The following INSR variants were observed in gnomAD, a reference collection of about 807,000 sequenced individuals.
The protein encoded by INSR is insulin receptor, also known as IR.
Under a neutral mutation model 142.6 loss-of-function variants are expected in INSR, and 67 were observed. The ratio of observed to expected loss-of-function variants is 0.47; its 90% CI spans 0.39 to 0.58. The LOEUF is 0.58. INSR is among the 20% of genes least tolerant of loss of function. The probability of loss-of-function intolerance (pLI) is 0.00; values close to 1 mark genes in which losing one functional copy is unlikely to be tolerated. For missense variants in INSR, 1,248 were observed against 1,833.2 expected, an observed-to-expected ratio of 0.68 and a Z score of 5.83; for synonymous variants, 756 against 743.1, an observed-to-expected ratio of 1.02 and a Z score of -0.28.
intron 3 of INSR, among the ~76,000 whole-genome samples, chr19:7,179,849 C>G (rs1974228942): frequency 6.6e-6 from 1 of 152,202 alleles, no homozygotes; most frequent in African/African-American, 2.4e-5. Context: ...TGCAGCCTCT[C>G]CCACCAAGAA....
chr19:7,126,354 G>T (rs1972645617), intron 16 of INSR, among the ~76,000 whole-genome samples: 1 of 152,220 alleles, frequency 6.6e-6, no homozygotes, highest in African/African-American at 2.4e-5. Context: ...CCTGCCCAAG[G>T]GTCCCAGACC....
chr19:7,207,671 C>A (rs1203444062), intron 2 of INSR, among the ~76,000 whole-genome samples: 1 of 151,906 alleles, frequency 6.6e-6, no homozygotes, highest in Non-Finnish European at 1.5e-5. Flanking sequence ...ACCTGTAATC[C>A]CAGCACTTTG....
At chr19:7,285,363 T>C (rs1441477106) in intron 1 of INSR, among the ~76,000 whole-genome samples, 1 of 151,362 alleles carries the variant, frequency 6.6e-6, no homozygotes, top group African/African-American at 2.4e-5. Flanking sequence ...GGCAGGAGAG[T>C]TGCTTGAGCC....
At chr19:7,140,746 A>G (rs566690432) in intron 13 of INSR, among the ~76,000 whole-genome samples, 2,608 of 151,808 alleles carry the variant, frequency 0.017, 45 homozygotes, top group African/African-American at 0.041. Flanking sequence ...ATATTCTACG[A>G]AAAAAATAAA....
At chr19:7,208,507 C>A (rs554810091) in intron 2 of INSR, among the ~76,000 whole-genome samples, 1 of 152,160 alleles carries the variant, frequency 6.6e-6, no homozygotes, top group African/African-American at 2.4e-5. Flanking sequence ...ACCACACACA[C>A]GTGCACAGGC....
In INSR at chr19:7,112,766, C is replaced by T. The variant is rs1436836508; in HGVS notation, c.*4290G>A. The stretch of plus-strand genomic sequence containing the variant: ...TAAGCTCAAAAAGCCATTGTGTCCC[C>T]TCCCCTCACTCCCATTTCTCGGGGA... On this transcript the variant is annotated 3_prime_UTR_variant, in exon 22 of 22. Coordinates refer to ENST00000302850, the MANE Select transcript of INSR (RefSeq NM_000208.4). The T allele has an allele frequency of 6.6e-6, 1 of 151,954 alleles. No homozygotes were observed. The highest frequency in any genetic ancestry group is 1.5e-5 in the Non-Finnish European group (1 of 67,970). The allele number at this position is 151,954 out of a possible 1,614,324, so 9.4% of individuals were successfully genotyped here.
In INSR at chr19:7,122,744, A is replaced by G. The variant is rs1231187833; in HGVS notation, c.3399T>C (p.Leu1133=). ...ENNPGRPPPT[L]QEMIQMAAEI... ...CTGCCGCCATCTGAATCATCTCTTG[A>G]AGGGTAGGGGGAGGGCGGCCAGGAT... is the stretch of plus-strand genomic sequence containing the variant. Residue 1133 remains leucine, a synonymous_variant, in exon 19 of 22, where the codon CTT becomes CTC. Transcript: ENST00000302850. 2 of 1,613,948 alleles carry G rather than the reference A, an allele frequency of 1.2e-6. No homozygotes were observed. The highest frequency in any genetic ancestry group is 1.7e-5 in the Admixed American group (1 of 59,998).
intron 2 of INSR, among the ~76,000 whole-genome samples, chr19:7,195,577 G>A (rs746447694): frequency 6.6e-6 from 1 of 152,020 alleles, no homozygotes; most frequent in Non-Finnish European, 1.5e-5. Flanking sequence ...AGGAGACAGA[G>A]GTTGCAGTCA....
At chr19:7,118,174 G>C (rs1188232212) in intron 21 of INSR, among the ~76,000 whole-genome samples, 5 of 151,720 alleles carry the variant, frequency 3.3e-5, no homozygotes, top group Non-Finnish European at 7.4e-5. Context: ...AGGAGTTCAA[G>C]GTTGCAGTGA....
intron 2 of INSR, among the ~76,000 whole-genome samples, chr19:7,257,545 A>G (rs1189825735): frequency 1.3e-5 from 2 of 149,786 alleles, no homozygotes; most frequent in South Asian, 2.1e-4. Context: ...AAAAAAAAAA[A>G]TGCTAATCAT....
Position 7,150,012 on chromosome 19 carries a change from A to C in INSR, c.2267+485T>G, listed in dbSNP as rs1380748343. Among the ~76,000 whole-genome samples the C allele has an allele frequency of 6.6e-6, 1 of 151,552 alleles. No homozygotes were observed. Among genetic ancestry groups the C allele is most frequent in the Non-Finnish European group, 1.5e-5 (1 of 67,958 alleles). On this transcript the variant is annotated intron_variant, in intron 11 of 21. Transcript: ENST00000302850. The surrounding 1 kb of genome is among the most constrained non-coding windows in gnomAD (Gnocchi z 4.2). Reference sequence around the variant, plus strand: ...AGAGATCCCTGACTCTCCTCCGTGGAATTCAGTGAGCGACACGGTGTTCTT... The same window carrying C: ...AGAGATCCCTGACTCTCCTCCGTGGCATTCAGTGAGCGACACGGTGTTCTT...
At chr19:7,221,189 C>T (rs1273600092) in intron 2 of INSR, among the ~76,000 whole-genome samples, 2 of 151,370 alleles carry the variant, frequency 1.3e-5, no homozygotes, top group Admixed American at 6.6e-5. Context: ...ACCTGGCCAA[C>T]GTGGCGAGAC....
rs1326710367 is a variant in INSR at position 7,120,609 on chromosome 19, A to G, written c.3659+11T>C. ...GCCCAGCGTCCATCCACCCATCCACACACAACTCACCACATGTCAGAAGAA... is the reference window on the plus strand; with the variant it reads ...GCCCAGCGTCCATCCACCCATCCACGCACAACTCACCACATGTCAGAAGAA... On this transcript the variant is annotated intron_variant, in intron 20 of 21. Coordinates refer to ENST00000302850, the MANE Select transcript of INSR (RefSeq NM_000208.4). 1.2e-6 allele frequency: 2 copies of G among 1,613,786 alleles called. No homozygotes were observed. Among genetic ancestry groups the G allele is most frequent in the East Asian group, 2.2e-5 (1 of 44,874 alleles).
chr19:7,261,566 TGTC>T (rs1977064819), intron 2 of INSR, among the ~76,000 whole-genome samples: 1 of 106,118 alleles, frequency 9.4e-6, no homozygotes, highest in Non-Finnish European at 2.5e-5. Context: ...AGTTTCACTC[TGTC>T]GGCCAGGCTG....
chr19:7,254,757 G>A (rs1477768133), intron 2 of INSR, among the ~76,000 whole-genome samples: 1 of 152,146 alleles, frequency 6.6e-6, no homozygotes. Flanking sequence ...GGTCCTCCCC[G>A]GGGCATTTCA....
chr19:7,170,836 T>C, intron 5 of INSR, 85 bp from the exon 6 acceptor site: 1 of 1,043,518 alleles, frequency 9.6e-7, no homozygotes, highest in South Asian at 1.3e-5. Flanking sequence ...GGAGTTGATC[T>C]TGTTCAGTGC....
intron 9 of INSR, among the ~76,000 whole-genome samples, chr19:7,156,782 C>CTTCTT (rs1973603671): frequency 1.6e-5 from 1 of 63,184 alleles, no homozygotes; most frequent in Admixed American, 2.4e-4. Flanking sequence ...CTATTTCTCT[C>CTTCTT]TTTTTTTTTT....
chr19:7,114,190 G>C lies in INSR; in HGVS notation c.*2866C>G, dbSNP rs1972267924. 1 of 152,092 alleles carries C rather than the reference G, an allele frequency of 6.6e-6. No homozygotes were observed. The highest frequency in any genetic ancestry group is 2.1e-4 in the South Asian group (1 of 4,836). The allele number at this position is 152,092 out of a possible 1,614,324, so 9.4% of individuals were successfully genotyped here. On this transcript the variant is annotated 3_prime_UTR_variant, in exon 22 of 22. Coordinates refer to ENST00000302850, the MANE Select transcript of INSR (RefSeq NM_000208.4). Reference sequence around the variant, plus strand: ...TGTGTGTAAGGTGCATCACCAGCCTGAAAGGAGTGGGCATAAACCATCAGG... The same window carrying C: ...TGTGTGTAAGGTGCATCACCAGCCTCAAAGGAGTGGGCATAAACCATCAGG...
intron 1 of INSR, among the ~76,000 whole-genome samples, chr19:7,289,214 C>T (rs947970709): frequency 2.6e-5 from 4 of 151,592 alleles, no homozygotes; most frequent in African/African-American, 9.7e-5. Flanking sequence ...GGTAAAGCAG[C>T]GGAGATGCAA....
Sources: gnomAD v4.1 joint callset for allele counts (sites outside exome capture counted in the v4.1 genomes callset) on GRCh38, gnomAD v4.1.1 for gene constraint, Gnocchi (gnomAD v3.1) non-coding constraint, MANE v1.5 for transcripts, NCBI Gene and HGNC (gene_info 2026-07-23, HGNC 2026-07-21) for gene names.